The following PRIM2 variants were observed in gnomAD, a reference collection of about 807,000 sequenced individuals.
The protein encoded by PRIM2 is DNA primase large subunit.
PRIM2 carries 39 observed loss-of-function variants against 67.3 expected under a neutral mutation model. That is an observed-to-expected ratio of 0.58 (90% CI 0.45 to 0.76). The LOEUF is 0.76. Among genes scored for constraint, PRIM2 ranks in the 30% least tolerant of loss-of-function variants. PRIM2 has a pLI of 0.00. For synonymous variants in PRIM2, 143 were observed against 198.7 expected, an observed-to-expected ratio of 0.72 and a Z score of 2.36; for missense variants, 398 against 598.7, an observed-to-expected ratio of 0.66 and a Z score of 3.50.
At chr6:57,382,236 T>C in intron 7 of PRIM2, 68 bp downstream of exon 7, 1 of 1,500,740 alleles carries the variant, frequency 6.7e-7, no homozygotes, top group South Asian at 1.2e-5. Flanking sequence ...CTGGTAGTTT[T>C]ATTCTGTGTT....
intron 10 of PRIM2, among the ~76,000 whole-genome samples, chr6:57,577,413 T>G (rs1581999721): frequency 6.6e-6 from 1 of 151,062 alleles, no homozygotes; most frequent in Non-Finnish European, 1.5e-5. Flanking sequence ...ACTTTTCCAT[T>G]GCCTGGTATA....
intron 7 of PRIM2, among the ~76,000 whole-genome samples, chr6:57,487,955 T>C (rs1773792200): frequency 6.6e-6 from 1 of 152,198 alleles, no homozygotes; most frequent in Non-Finnish European, 1.5e-5. Context: ...CATTTATTAA[T>C]TTTAGTTAAT....
At chr6:57,608,344 A>G (rs1291517156) in intron 12 of PRIM2, among the ~76,000 whole-genome samples, 30 of 152,164 alleles carry the variant, frequency 2.0e-4, no homozygotes, top group African/African-American at 7.2e-4. Flanking sequence ...TTTTACTTTG[A>G]CTTGGGTGAG....
the PRIM2 span, among the ~76,000 whole-genome samples, chr6:57,278,107 A>C: frequency 6.6e-6 from 1 of 152,084 alleles, no homozygotes; most frequent in Admixed American, 6.6e-5. Flanking sequence ...TGGGCAGATC[A>C]CTTCAAGTTG....
intron 10 of PRIM2, among the ~76,000 whole-genome samples, chr6:57,572,559 A>T (rs1229586610): frequency 6.6e-6 from 1 of 152,196 alleles, no homozygotes; most frequent in Non-Finnish European, 1.5e-5. Flanking sequence ...TTGAGATTTA[A>T]CAGTACATTA....
the PRIM2 span, among the ~76,000 whole-genome samples, chr6:57,284,484 A>T: frequency 6.6e-6 from 1 of 152,306 alleles, no homozygotes. Context: ...CATACTCAAC[A>T]TACATACTTT....
At chr6:57,561,979 T>A (rs2127478410) in intron 10 of PRIM2, among the ~76,000 whole-genome samples, 1 of 152,260 alleles carries the variant, frequency 6.6e-6, no homozygotes, top group South Asian at 2.1e-4. Flanking sequence ...CTGATTTCAA[T>A]ATTTTTGTGT....
At chr6:57,609,665 G>T (rs1263814120) in intron 12 of PRIM2, among the ~76,000 whole-genome samples, 4 of 152,180 alleles carry the variant, frequency 2.6e-5, no homozygotes, top group Non-Finnish European at 5.9e-5. Flanking sequence ...CTTAGCTGAA[G>T]CTGGTTAGTA....
At chr6:57,456,953 C>T (rs1338038326) in intron 7 of PRIM2, among the ~76,000 whole-genome samples, 3 of 152,254 alleles carry the variant, frequency 2.0e-5, no homozygotes, top group East Asian at 1.9e-4. Flanking sequence ...TGGTGACGTA[C>T]AGATGGGGTT....
chr6:57,403,742 G>A (rs1345447721), intron 7 of PRIM2, among the ~76,000 whole-genome samples: 1 of 152,066 alleles, frequency 6.6e-6, no homozygotes, highest in Non-Finnish European at 1.5e-5. Context: ...ATAATTTTTA[G>A]AGGAGGAAAG....
chr6:57,253,179 A>G, the PRIM2 span, among the ~76,000 whole-genome samples: 1 of 133,924 alleles, frequency 7.5e-6, no homozygotes, highest in East Asian at 2.7e-4. Context: ...TCCTAAGAAA[A>G]ACAACATGCA....
intron 10 of PRIM2, among the ~76,000 whole-genome samples, chr6:57,578,674 TTG>T (rs1458093817): frequency 2.6e-3 from 278 of 106,118 alleles, no homozygotes; most frequent in African/African-American, 8.9e-3. Context: ...CTTTTGTTTT[TTG>T]TTTTTTTTTT....
At chr6:57,387,125 C>T (rs1770180681) in intron 7 of PRIM2, among the ~76,000 whole-genome samples, 1 of 152,154 alleles carries the variant, frequency 6.6e-6, no homozygotes, top group Non-Finnish European at 1.5e-5. Flanking sequence ...CCTTTGTGTT[C>T]CCACAGCATT....
the PRIM2 span, among the ~76,000 whole-genome samples, chr6:57,277,544 T>C: frequency 2.6e-5 from 4 of 152,058 alleles, no homozygotes; most frequent in Non-Finnish European, 4.4e-5. Context: ...TTAAATGTGT[T>C]GGAGGCAAGC....
intron 3 of PRIM2, among the ~76,000 whole-genome samples, chr6:57,321,008 A>T (rs920825931): frequency 6.6e-6 from 1 of 152,180 alleles, no homozygotes; most frequent in Non-Finnish European, 1.5e-5. Flanking sequence ...GTGGAGCTGC[A>T]TGTTGACAGA....
At chr6:57,527,469 G>C (rs1472789913) in intron 8 of PRIM2, among the ~76,000 whole-genome samples, 1 of 151,924 alleles carries the variant, frequency 6.6e-6, no homozygotes, top group African/African-American at 2.4e-5. Context: ...TTTCTCCATC[G>C]TTACCACTAC....
At chr6:57,604,132 C>T (rs1184209939) in intron 11 of PRIM2, among the ~76,000 whole-genome samples, 1 of 152,024 alleles carries the variant, frequency 6.6e-6, no homozygotes, top group Non-Finnish European at 1.5e-5. Context: ...CATGGTGAAA[C>T]CTCATTTCTA....
At chr6:57,555,127 T>A (rs1775485674) in intron 10 of PRIM2, among the ~76,000 whole-genome samples, 1 of 152,240 alleles carries the variant, frequency 6.6e-6, no homozygotes, top group Admixed American at 6.5e-5. Flanking sequence ...TTTGAAACAT[T>A]TAACATTTTA....
the PRIM2 span, among the ~76,000 whole-genome samples, chr6:57,251,302 T>C: frequency 6.6e-6 from 1 of 152,240 alleles, no homozygotes; most frequent in East Asian, 1.9e-4. Flanking sequence ...TCTAACTTAC[T>C]GTATTAGTTG....
Sources: gnomAD v4.1 joint callset for allele counts (sites outside exome capture counted in the v4.1 genomes callset) on GRCh38, gnomAD v4.1.1 for gene constraint, MANE v1.5 for transcripts, NCBI Gene and HGNC (gene_info 2026-07-23, HGNC 2026-07-21) for gene names.